Variants in IPO11 observed in about 807,000 individuals in gnomAD.
The protein encoded by IPO11 is importin 11.
Under a neutral mutation model 143.2 loss-of-function variants are expected in IPO11, and 66 were observed. The observed-to-expected ratio is 0.46, with a 90% CI of 0.38 to 0.57. IPO11 has a LOEUF of 0.57. IPO11 is among the 20% of genes least tolerant of loss of function. The probability of loss-of-function intolerance (pLI) is 0.00; values close to 1 mark genes in which losing one functional copy is unlikely to be tolerated. For synonymous variants in IPO11, 385 were observed against 377.8 expected (o/e 1.02, Z -0.22); for missense variants, 1,026 against 1,141.0 (o/e 0.90, Z 1.45).
At chr5:62,495,763 A>G (rs902515902) in intron 16 of IPO11, among the ~76,000 whole-genome samples, 5 of 152,154 alleles carry the variant, frequency 3.3e-5, no homozygotes, top group Admixed American at 1.3e-4. Context: ...GAGCCACTGC[A>G]CTGGGCCCCG....
intron 27 of IPO11, among the ~76,000 whole-genome samples, chr5:62,590,903 C>CT (rs549123779): frequency 1.8e-4 from 28 of 151,742 alleles, no homozygotes; most frequent in East Asian, 1.2e-3. Flanking sequence ...ATGTTTTTGC[C>CT]TTTTTAAAAA....
chr5:62,421,590 C>A (rs1426707263), intron 1 of IPO11, among the ~76,000 whole-genome samples: 2 of 152,144 alleles, frequency 1.3e-5, no homozygotes, highest in Non-Finnish European at 2.9e-5. Context: ...TTAGAGAAGT[C>A]AGTTTATCTC....
intron 20 of IPO11, 43 bp downstream of exon 20, chr5:62,515,544 T>TA (rs1741984816): frequency 1.3e-5 from 17 of 1,293,978 alleles, no homozygotes; most frequent in Non-Finnish European, 1.7e-5. Context: ...TAGTGGTTTT[T>TA]AAAAAATTCT....
chr5:62,561,436 G>C (rs914984887), intron 27 of IPO11, among the ~76,000 whole-genome samples, 179 bp downstream of exon 27: 12 of 151,496 alleles, frequency 7.9e-5, no homozygotes, highest in African/African-American at 2.9e-4. Flanking sequence ...GCAGTGAGTG[G>C]GATAGGTACT....
At chr5:62,478,699 T>C (rs1042935730) in intron 9 of IPO11, among the ~76,000 whole-genome samples, 6 of 152,228 alleles carry the variant, frequency 3.9e-5, no homozygotes, top group African/African-American at 1.4e-4. Context: ...CTGTACTTTT[T>C]CATGTTTTGA....
At chr5:62,561,894 G>T (rs1205956736) in intron 27 of IPO11, 1 of 152,030 alleles carries the variant, frequency 6.6e-6, no homozygotes, top group Non-Finnish European at 1.5e-5. Context: ...TTTTTAAAGT[G>T]GTGGCAGGTA....
intron 27 of IPO11, chr5:62,579,727 CTGTA>C: frequency 6.5e-7 from 1 of 1,548,060 alleles, no homozygotes; most frequent in Non-Finnish European, 8.7e-7. Context: ...TTCTAACATT[CTGTA>C]TGTATATCCA....
intron 4 of IPO11, 147 bp downstream of exon 4, chr5:62,450,146 GATCT>G: frequency 1.9e-6 from 1 of 531,596 alleles, no homozygotes; most frequent in Non-Finnish European, 3.2e-6. Flanking sequence ...TAAATTTTGA[GATCT>G]ATTTGTAGCG....
intron 16 of IPO11, among the ~76,000 whole-genome samples, chr5:62,498,639 A>G (rs1288743488): frequency 2.6e-5 from 4 of 152,224 alleles, no homozygotes; most frequent in Non-Finnish European, 5.9e-5. Context: ...CTGTAATCCC[A>G]GCACTTTGAG....
At chr5:62,567,495 A>AT (rs371387218) in intron 27 of IPO11, among the ~76,000 whole-genome samples, 2,091 of 126,974 alleles carry the variant, frequency 0.016, 61 homozygotes, top group African/African-American at 0.06. Context: ...TATTATTATT[A>AT]TTTTTTTTAC....
At chr5:62,558,428 TTTACTA>T (rs1304944582) in intron 26 of IPO11, among the ~76,000 whole-genome samples, 2 of 152,178 alleles carry the variant, frequency 1.3e-5, no homozygotes, top group African/African-American at 4.8e-5. Context: ...TAAAGAAACT[TTTACTA>T]TTTCAACAAA....
chr5:62,424,138 C>CTT (rs11428881), intron 1 of IPO11, among the ~76,000 whole-genome samples: 41 of 144,102 alleles, frequency 2.8e-4, no homozygotes, highest in South Asian at 4.4e-4. Flanking sequence ...CCCACCTCAG[C>CTT]TTTTTTTTTT....
chr5:62,487,867 G>T lies in IPO11; in HGVS notation c.1309+6G>T. ...AATGATGCAAACACTTCAAGGTAAGGCATATTTTGTGATTAACTTTGAGTT... is the reference window on the plus strand; with the variant it reads ...AATGATGCAAACACTTCAAGGTAAGTCATATTTTGTGATTAACTTTGAGTT... On this transcript the variant is annotated splice_donor_region_variant and intron_variant, in intron 13 of 29. Coordinates refer to ENST00000325324, the MANE Select transcript of IPO11 (RefSeq NM_016338.5). 1.2e-6 allele frequency: 2 copies of T among 1,601,016 alleles called. No homozygotes were observed. Among genetic ancestry groups the T allele is most frequent in the Non-Finnish European group, 8.5e-7 (1 of 1,175,396 alleles).
At chr5:62,582,749 A>G (rs1234844407) in intron 27 of IPO11, among the ~76,000 whole-genome samples, 3 of 152,198 alleles carry the variant, frequency 2.0e-5, no homozygotes, top group African/African-American at 7.2e-5. Flanking sequence ...AATTGAAGTC[A>G]TAGAAGTAAT....
Position 62,455,758 on chromosome 5 carries a change from C to CT in IPO11, c.516+3837dup, listed in dbSNP as rs879895100. ...GCTTGATTTGACACAAAAAGGAATT[C>CT]TTTTTTTTTTTTGAGAGAGAGAGAG... On this transcript the variant is annotated intron_variant, in intron 5 of 29. Coordinates refer to ENST00000325324, the MANE Select transcript of IPO11 (RefSeq NM_016338.5). 3.4e-3 allele frequency among the ~76,000 whole-genome samples: 493 copies of CT among 145,126 alleles called. 2 individuals are homozygous for CT. The highest frequency in any genetic ancestry group is 9.4e-3 in the African/African-American group (373 of 39,828).
chr5:62,478,241 C>T (rs908269305), intron 9 of IPO11, among the ~76,000 whole-genome samples: 3 of 152,194 alleles, frequency 2.0e-5, no homozygotes, highest in Non-Finnish European at 4.4e-5. Flanking sequence ...TCTTGACTCA[C>T]TGCAGCCTCT....
intron 27 of IPO11, chr5:62,580,935 C>A (rs1174231181): frequency 1.3e-6 from 2 of 1,551,288 alleles, no homozygotes; most frequent in Non-Finnish European, 1.7e-6. Context: ...TGGAAAAAAA[C>A]AGTGCTCTAC....
intron 19 of IPO11, among the ~76,000 whole-genome samples, chr5:62,510,792 A>C (rs541538110): frequency 6.6e-6 from 1 of 151,842 alleles, no homozygotes; most frequent in Admixed American, 6.6e-5. Flanking sequence ...CTAGAGTGCA[A>C]TGGGGCTCTC....
chr5:62,618,720 T>C (rs1024989175), intron 29 of IPO11, among the ~76,000 whole-genome samples: 3 of 152,278 alleles, frequency 2.0e-5, no homozygotes, highest in African/African-American at 7.2e-5. Context: ...AAAATAAACT[T>C]AGGACCTGAT....
Sources: gnomAD v4.1 joint callset for allele counts (sites outside exome capture counted in the v4.1 genomes callset) on GRCh38, gnomAD v4.1.1 for gene constraint, MANE v1.5 for transcripts, NCBI Gene and HGNC (gene_info 2026-07-23, HGNC 2026-07-21) for gene names.